CSMD3: variants seen among roughly 807,000 people sequenced by gnomAD.
CSMD3 encodes the protein CUB and Sushi multiple domains 3.
Under a neutral mutation model 435.2 loss-of-function variants are expected in CSMD3, and 177 were observed. The observed-to-expected ratio is 0.41, with a 90% confidence interval of 0.36 to 0.46. The LOEUF (loss-of-function observed/expected upper bound fraction) is 0.46, where lower values mean the gene tolerates loss of function less well. CSMD3 is among the 20% of genes least tolerant of loss of function. The pLI is 0.34. For missense variants in CSMD3, 4,265 were observed against 4,504.6 expected (o/e 0.95, Z 1.52); for synonymous variants, 1,656 against 1,520.5 (o/e 1.09, Z -2.07).
At chr8:112,463,780 C>T (rs1404417135) in intron 32 of CSMD3, among the ~76,000 whole-genome samples, 1 of 152,114 alleles carries the variant, frequency 6.6e-6, no homozygotes, top group Non-Finnish European at 1.5e-5. Flanking sequence ...TTGTGTGTGT[C>T]AAGCAGTCAC....
At chr8:113,256,747 T>C (rs1319532548) in intron 3 of CSMD3, among the ~76,000 whole-genome samples, 3 of 152,142 alleles carry the variant, frequency 2.0e-5, no homozygotes, top group Non-Finnish European at 2.9e-5. Context: ...CCAAAATATG[T>C]CTTAGTGATG....
At chr8:112,361,803 T>C (rs1827268665) in intron 38 of CSMD3, among the ~76,000 whole-genome samples, 1 of 151,266 alleles carries the variant, frequency 6.6e-6, no homozygotes, top group African/African-American at 2.4e-5. Context: ...AGACCAAAAA[T>C]ATTGGTTTTG....
chr8:112,656,102 A>G, intron 18 of CSMD3, 52 bp downstream of exon 18: 1 of 997,892 alleles, frequency 1.0e-6, no homozygotes, highest in Non-Finnish European at 1.6e-6. Context: ...ATAATAATAC[A>G]AAAAGTAGGG....
chr8:112,548,413 A>G (rs754112657), intron 27 of CSMD3, among the ~76,000 whole-genome samples: 2 of 152,202 alleles, frequency 1.3e-5, no homozygotes, highest in African/African-American at 2.4e-5. Context: ...GCATGTATCT[A>G]GAATAATAAT....
At chr8:113,021,193 T>A (rs1425981731) in intron 5 of CSMD3, among the ~76,000 whole-genome samples, 2 of 152,184 alleles carry the variant, frequency 1.3e-5, no homozygotes, top group African/African-American at 4.8e-5. Flanking sequence ...ACTGACTTTT[T>A]TTCCAATCTG....
intron 22 of CSMD3, among the ~76,000 whole-genome samples, chr8:112,626,500 CTATA>C (rs1834485309): frequency 6.6e-6 from 1 of 151,956 alleles, no homozygotes; most frequent in Non-Finnish European, 1.5e-5. Context: ...TAGAAATAAT[CTATA>C]TACACACATA....
rs777667462 is a variant in CSMD3 at position 112,406,528 on chromosome 8, A to G, written c.5805T>C (p.Cys1935=). ...CATACAAATTTATATACTCACCAAT[A>G]CAAGTAGGTAAGGAATCATTCCACT... ...LAQWNDSLPT[C]IVPCGGILTK... is the part of the protein sequence containing the mutation. Residue 1935 remains cysteine, a synonymous_variant, in exon 35 of 71, where the codon TGT becomes TGC. Coordinates refer to ENST00000297405, the MANE Select transcript of CSMD3 (RefSeq NM_198123.2). The G allele has an allele frequency of 5.0e-6, 8 of 1,601,132 alleles. No homozygotes were observed. In the Admixed American group the frequency reaches 1.2e-4, roughly 23 times the overall value.
intron 64 of CSMD3, among the ~76,000 whole-genome samples, chr8:112,244,819 A>G (rs896862786): frequency 1.3e-5 from 2 of 150,946 alleles, no homozygotes; most frequent in Non-Finnish European, 3.0e-5. Context: ...ATAAATTGAG[A>G]AAAAAAAAGA....
intron 36 of CSMD3, among the ~76,000 whole-genome samples, chr8:112,389,756 G>C (rs555899870): frequency 1.3e-5 from 2 of 152,060 alleles, no homozygotes; most frequent in Non-Finnish European, 2.9e-5. Context: ...AAGTAATCAA[G>C]TTATATCTGT....
intron 3 of CSMD3, among the ~76,000 whole-genome samples, chr8:113,263,169 T>A (rs531429863): frequency 1.3e-5 from 2 of 152,052 alleles, no homozygotes; most frequent in Admixed American, 1.3e-4. Flanking sequence ...ACACGTGAAA[T>A]AAAGTCTTCA....
At chr8:113,424,603 A>G (rs1470942464) in intron 1 of CSMD3, among the ~76,000 whole-genome samples, 4 of 151,498 alleles carry the variant, frequency 2.6e-5, no homozygotes, top group African/African-American at 9.7e-5. Flanking sequence ...AAAAAAGTGT[A>G]AGAGCACAGT....
At chr8:112,704,795 G>T (rs187388733) in intron 13 of CSMD3, among the ~76,000 whole-genome samples, 5 of 152,030 alleles carry the variant, frequency 3.3e-5, no homozygotes, top group African/African-American at 4.8e-5. Flanking sequence ...TTATTTATTA[G>T]TAGTAATATA....
chr8:112,344,314 A>G (rs1825463625), intron 41 of CSMD3, among the ~76,000 whole-genome samples: 1 of 152,194 alleles, frequency 6.6e-6, no homozygotes, highest in South Asian at 2.1e-4. Context: ...TCATAATAAT[A>G]CATTTTACTG....
rs1825780469 is a variant in CSMD3 at position 112,347,483 on chromosome 8, A to G, written c.6326-1270T>C. On this transcript the variant is annotated intron_variant, in intron 40 of 70. Coordinates refer to ENST00000297405, the MANE Select transcript of CSMD3 (RefSeq NM_198123.2). ...TAAAGGCAAATTCAGTAGGAATTTT[A>G]ACAATGTTTTATACAATATTCAATA... Among the ~76,000 whole-genome samples, 4 of 152,216 alleles carry G rather than the reference A, an allele frequency of 2.6e-5. No homozygotes were observed. The South Asian group carries it at 8.3e-4, about 31-fold the overall frequency.
At chr8:113,261,285 T>C (rs1563620420) in intron 3 of CSMD3, among the ~76,000 whole-genome samples, 1 of 152,148 alleles carries the variant, frequency 6.6e-6, no homozygotes, top group African/African-American at 2.4e-5. Context: ...ATGGCCATAA[T>C]GTCTGCACAA....
At position 112,314,537 on chromosome 8, in the gene CSMD3, G is replaced by T; in HGVS notation, c.7441C>A (p.Leu2481Ile). 1 of 1,611,852 alleles carries T rather than the reference G, an allele frequency of 6.2e-7. No homozygotes were observed. ...SPGYPDSYPN[L>I]QMCAWSISVE... is the part of the protein sequence containing the mutation. The stretch of plus-strand genomic sequence containing the variant: ...GAAATGCTCCATGCACACATTTGAA[G>T]ATTTGGGTAACTGTCAGGATATCCA... The change falls in exon 48 of 71, where the codon CTT (leucine) becomes ATT (isoleucine). Residue 2481 changes from leucine (L) to isoleucine (I), a missense_variant. Coordinates refer to ENST00000297405, the MANE Select transcript of CSMD3 (RefSeq NM_198123.2).
chr8:112,688,802 T>C (rs1376661574), intron 14 of CSMD3, among the ~76,000 whole-genome samples: 1 of 152,006 alleles, frequency 6.6e-6, no homozygotes, highest in African/African-American at 2.4e-5. Flanking sequence ...TAGTAAAAAA[T>C]GTTTTCTAGT....
chr8:112,323,826 C>G (rs554763246), intron 45 of CSMD3, among the ~76,000 whole-genome samples: 22 of 152,108 alleles, frequency 1.4e-4, no homozygotes, highest in African/African-American at 5.1e-4. Context: ...GTACAAAGGA[C>G]TCTGAAAAGT....
rs1430289316 is a variant in CSMD3, at chr8:112,351,187, G to A, written c.6313C>T (p.Pro2105Ser). 1 of 1,598,910 alleles carries A rather than the reference G, an allele frequency of 6.3e-7. No individual in the cohort carries two copies. Among genetic ancestry groups the A allele is most frequent in the Admixed American group, 1.7e-5 (1 of 59,920 alleles). Residue 2105 changes from proline (P) to serine (S), a missense_variant, in exon 40 of 71, where the codon CCA (proline) becomes TCA (serine). Pro to Ser is a moderately conservative substitution (Grantham distance 74). Around this residue, in one of 3 missense-constraint regions of CSMD3, gnomAD observed 3,255 missense variants for 3,380.2 expected, o/e 0.96. Transcript: ENST00000297405. ...GPVRRWNYPI[P>S]ICLAQCGGAM... ...TCTTTTAACTTACCTAAACAAATTG[G>A]GATTGGATAATTCCATCTTCTTACA... is the stretch of plus-strand genomic sequence containing the variant.
Sources: allele counts gnomAD v4.1 joint callset (sites outside exome capture counted in the v4.1 genomes callset), GRCh38; gene constraint gnomAD v4.1.1; regional missense constraint gnomAD v4.1.1; transcripts MANE v1.5; gene names NCBI Gene and HGNC (gene_info 2026-07-23, HGNC 2026-07-21).